The following RASGEF1A variants were observed in gnomAD, a reference collection of about 807,000 sequenced individuals.
RASGEF1A encodes the protein ras-GEF domain-containing family member 1A.
In RASGEF1A, 18 loss-of-function variants were observed where a neutral mutation model predicts 56.4. That is an observed-to-expected ratio of 0.32 (90% CI 0.22 to 0.47). The LOEUF is 0.47. Ranked by LOEUF, RASGEF1A falls within the 20% of genes least tolerant of loss-of-function variation. The pLI is 1.00. For missense variants in RASGEF1A, 422 were observed against 627.1 expected (o/e 0.67, Z 3.49); for synonymous variants, 245 against 242.6 (o/e 1.01, Z -0.09).
At chr10:43,215,498 G>C (rs1381692873) in intron 1 of RASGEF1A, among the ~76,000 whole-genome samples, 1 of 152,218 alleles carries the variant, frequency 6.6e-6, no homozygotes, top group Admixed American at 6.5e-5. Context: ...GCCTCAGGAG[G>C]GGAGAGACCT....
intron 1 of RASGEF1A, among the ~76,000 whole-genome samples, chr10:43,247,316 T>C (rs1267941324): frequency 6.7e-6 from 1 of 148,226 alleles, no homozygotes; most frequent in Non-Finnish European, 1.5e-5. Context: ...CTGGTAAGGA[T>C]GTAAAATTGT....
intron 1 of RASGEF1A, among the ~76,000 whole-genome samples, chr10:43,259,405 G>A (rs2133230777): frequency 6.6e-6 from 1 of 152,290 alleles, no homozygotes; most frequent in Admixed American, 6.5e-5. Context: ...CAGAAGACTG[G>A]AGTGCCAGCA....
intron 1 of RASGEF1A, among the ~76,000 whole-genome samples, chr10:43,211,732 C>G (rs1840071446): frequency 6.6e-6 from 1 of 152,198 alleles, no homozygotes; most frequent in South Asian, 2.1e-4. Context: ...CCCTTGTCCA[C>G]ACCCCCGCAC....
intron 1 of RASGEF1A, among the ~76,000 whole-genome samples, chr10:43,253,258 A>G (rs1002140224): frequency 6.6e-6 from 1 of 152,106 alleles, no homozygotes; most frequent in Non-Finnish European, 1.5e-5. Flanking sequence ...CCGTGTGTGG[A>G]TTTGAGGTCC....
At chr10:43,230,943 G>A (rs529046291) in intron 1 of RASGEF1A, among the ~76,000 whole-genome samples, 1 of 152,364 alleles carries the variant, frequency 6.6e-6, no homozygotes, top group South Asian at 2.1e-4. Flanking sequence ...GGAGACAGGA[G>A]TCCTTCTCCT....
intron 10 of RASGEF1A, 24 bp from the exon 11 acceptor site, chr10:43,197,123 T>A (rs1341382570): frequency 1.9e-6 from 3 of 1,611,588 alleles, no homozygotes; most frequent in African/African-American, 1.3e-5. Flanking sequence ...AACCAACTGA[T>A]GTTCATCTGT....
chr10:43,243,495 G>A (rs1840531271), intron 1 of RASGEF1A, among the ~76,000 whole-genome samples: 1 of 150,970 alleles, frequency 6.6e-6, no homozygotes, highest in Admixed American at 6.6e-5. Flanking sequence ...ACCCCATCTG[G>A]GAAGTGAGGA....
At chr10:43,221,020 A>G (rs1018958589) in intron 1 of RASGEF1A, among the ~76,000 whole-genome samples, 1 of 152,158 alleles carries the variant, frequency 6.6e-6, no homozygotes, top group Non-Finnish European at 1.5e-5. Context: ...CATGACCAAG[A>G]CACCTGCAGA....
At position 43,197,972 on chromosome 10, in the gene RASGEF1A, G is replaced by A. The variant is rs765653203; in HGVS notation, c.1224+32C>T. 72 of 1,557,622 alleles carry A rather than the reference G, an allele frequency of 4.6e-5. No homozygotes were observed. In the South Asian group the frequency reaches 6.2e-4, roughly 13 times the overall value. ...GGCTCCAGTAGCTCAGACAGTTTCC[G>A]CCTGGCCTGCCCTGTGCTGGGATGA... On this transcript the variant is annotated intron_variant, in intron 10 of 12. Coordinates refer to ENST00000395810, the MANE Select transcript of RASGEF1A (RefSeq NM_145313.4).
chr10:43,254,293 G>A lies in RASGEF1A; in HGVS notation c.-7+12552C>T, dbSNP rs75477971. ...GACAGCTGTGGGGCCATGGAGGGCT[G>A]CAAGGGGCCATGTAGGTAGACCCCC... On this transcript the variant is annotated intron_variant, in intron 1 of 12. Transcript: ENST00000395810. Among the ~76,000 whole-genome samples the A allele has an allele frequency of 9.8e-3, 1,487 of 152,338 alleles. 25 individuals carry two copies. Among genetic ancestry groups the A allele is most frequent in the African/African-American group, 0.033 (1,390 of 41,580 alleles).
chr10:43,241,760 T>C (rs918742034), intron 1 of RASGEF1A, among the ~76,000 whole-genome samples: 5 of 151,990 alleles, frequency 3.3e-5, no homozygotes, highest in African/African-American at 1.2e-4. Context: ...TCAGAGATTA[T>C]CAGAGTTAAA....
intron 1 of RASGEF1A, chr10:43,208,517 TGCAGGGGTGTCCCAGGCAA>T: frequency 2.0e-6 from 2 of 985,656 alleles, no homozygotes; most frequent in South Asian, 9.4e-5. Flanking sequence ...AGGAGGAGCA[TGCAGGGGTGTCCCAGGCAA>T]GCAGAGGTTC....
At chr10:43,238,016 G>A (rs375980350) in intron 1 of RASGEF1A, among the ~76,000 whole-genome samples, 1 of 151,570 alleles carries the variant, frequency 6.6e-6, no homozygotes, top group Non-Finnish European at 1.5e-5. Flanking sequence ...AGGCCAAGGC[G>A]GCCAGGCCTG....
intron 1 of RASGEF1A, among the ~76,000 whole-genome samples, chr10:43,209,692 C>G (rs536026994): frequency 2.6e-5 from 4 of 151,942 alleles, no homozygotes; most frequent in Admixed American, 6.5e-5. Context: ...GCCCCCCCAC[C>G]AGGGCTAGGC....
Position 43,197,466 on chromosome 10 carries a change from C to T in RASGEF1A, c.1225-367G>A, listed in dbSNP as rs531993739. ...CAGAACGTGTCATGATGTCCCTTCT[C>T]TGGGACCTTCGGAAGGATCCCAGCT... On this transcript the variant is annotated intron_variant, in intron 10 of 12. Coordinates refer to ENST00000395810, the MANE Select transcript of RASGEF1A (RefSeq NM_145313.4). Among the ~76,000 whole-genome samples, 9 of 152,378 alleles carry T rather than the reference C, an allele frequency of 5.9e-5. No individual in the cohort carries two copies. The South Asian group carries it at 1.9e-3, about 32-fold the overall frequency.
intron 1 of RASGEF1A, among the ~76,000 whole-genome samples, chr10:43,262,313 A>G (rs1331541337): frequency 1.3e-5 from 2 of 152,164 alleles, no homozygotes; most frequent in Non-Finnish European, 2.9e-5. Context: ...TCTCTCTTCA[A>G]GGTAGAGTCT....
chr10:43,260,131 A>G (rs2503843), intron 1 of RASGEF1A, among the ~76,000 whole-genome samples: 52,430 of 152,166 alleles, frequency 0.34, 9,340 homozygotes, highest in Non-Finnish European at 0.38. Context: ...AACGCCCAGC[A>G]GAGCCCTTGG....
At chr10:43,233,789 A>G (rs764577178) in intron 1 of RASGEF1A, among the ~76,000 whole-genome samples, 1 of 152,180 alleles carries the variant, frequency 6.6e-6, no homozygotes, top group East Asian at 1.9e-4. Context: ...CTAGAGACTC[A>G]CACCAAAGGA....
At chr10:43,217,009 G>A (rs1840145860) in intron 1 of RASGEF1A, among the ~76,000 whole-genome samples, 1 of 152,150 alleles carries the variant, frequency 6.6e-6, no homozygotes, top group African/African-American at 2.4e-5. Context: ...TGCATTCTCA[G>A]ACCAGTAAAA....
Sources: allele counts gnomAD v4.1 joint callset (sites outside exome capture counted in the v4.1 genomes callset), GRCh38; gene constraint gnomAD v4.1.1; transcripts MANE v1.5; gene names NCBI Gene and HGNC (gene_info 2026-07-23, HGNC 2026-07-21).